Variants in MYO5B observed in about 807,000 individuals in gnomAD.
MYO5B encodes the protein unconventional myosin-Vb.
In MYO5B, 143 loss-of-function variants were observed where a neutral mutation model predicts 229.3. The observed-to-expected ratio is 0.62, with a 90% CI of 0.54 to 0.72. The LOEUF (loss-of-function observed/expected upper bound fraction) is 0.72. MYO5B is among the 30% of genes least tolerant of loss of function. The probability of loss-of-function intolerance (pLI) is 0.00; values close to 1 mark genes in which losing one functional copy is unlikely to be tolerated. For missense variants in MYO5B, 2,321 were observed against 2,331.0 expected (o/e 1.00, Z 0.09); for synonymous variants, 918 against 885.2 (o/e 1.04, Z -0.66).
chr18:50,031,972 G>C (rs1349088237), intron 4 of MYO5B, among the ~76,000 whole-genome samples: 2 of 152,172 alleles, frequency 1.3e-5, no homozygotes, highest in African/African-American at 4.8e-5. Context: ...CGTTTAACTT[G>C]GTTAACCCAC....
chr18:50,055,876 A>T (rs2144418721), intron 1 of MYO5B, among the ~76,000 whole-genome samples: 1 of 152,322 alleles, frequency 6.6e-6, no homozygotes, highest in East Asian at 1.9e-4. Flanking sequence ...TGGAAAGTGT[A>T]TTTAAGTATC....
chr18:49,873,462 G>C (rs1482909597), intron 26 of MYO5B, among the ~76,000 whole-genome samples: 1 of 152,198 alleles, frequency 6.6e-6, no homozygotes, highest in African/African-American at 2.4e-5. Flanking sequence ...GCTGAAGGAT[G>C]CCTACAGTTA....
chr18:50,097,497 A>G (rs2031575009), intron 1 of MYO5B: 2 of 329,094 alleles, frequency 6.1e-6, no homozygotes, highest in African/African-American at 4.3e-5. Context: ...TTCTTGAGAA[A>G]TCGCGGTGTT....
At chr18:49,896,348 C>G (rs1034301465) in intron 21 of MYO5B, among the ~76,000 whole-genome samples, 3 of 152,162 alleles carry the variant, frequency 2.0e-5, no homozygotes, top group Non-Finnish European at 4.4e-5. Context: ...CTGCCTGCAG[C>G]CTTGATCTAA....
At chr18:50,003,446 T>C (rs1052932755) in intron 4 of MYO5B, among the ~76,000 whole-genome samples, 3 of 152,230 alleles carry the variant, frequency 2.0e-5, no homozygotes, top group African/African-American at 7.2e-5. Context: ...CATTGAAAGG[T>C]AGCCTCTAAA....
intron 9 of MYO5B, among the ~76,000 whole-genome samples, 180 bp downstream of exon 9, chr18:49,980,264 T>C (rs2025799467): frequency 6.6e-6 from 1 of 152,246 alleles, no homozygotes. Context: ...AGAAACTTGA[T>C]GGCAGCTGAT....
chr18:50,191,247 G>C (rs942257413), intron 1 of MYO5B, among the ~76,000 whole-genome samples: 1 of 152,106 alleles, frequency 6.6e-6, no homozygotes. Context: ...ATACTGTCTT[G>C]GGTCCCAGAA....
At chr18:50,047,495 C>A (rs1417679203) in intron 2 of MYO5B, among the ~76,000 whole-genome samples, 1 of 152,142 alleles carries the variant, frequency 6.6e-6, no homozygotes, top group Non-Finnish European at 1.5e-5. Context: ...GTTGGTGGTA[C>A]TGTAAACTAG....
chr18:50,073,537 CCT>C (rs2031008531), intron 1 of MYO5B, among the ~76,000 whole-genome samples: 1 of 152,142 alleles, frequency 6.6e-6, no homozygotes, highest in South Asian at 2.1e-4. Context: ...GTTACTTACC[CCT>C]GTCCCTTCTT....
At chr18:50,037,100 G>A in intron 3 of MYO5B, 106 bp from the exon 4 acceptor site, 1 of 1,228,514 alleles carries the variant, frequency 8.1e-7, no homozygotes, top group Middle Eastern at 1.9e-4. Flanking sequence ...CAAAGAATGA[G>A]AGGGCAGCAG....
At chr18:50,090,978 A>T (rs1425448819) in intron 1 of MYO5B, among the ~76,000 whole-genome samples, 1 of 152,200 alleles carries the variant, frequency 6.6e-6, no homozygotes, top group African/African-American at 2.4e-5. Context: ...TGTATTCCTA[A>T]AATATAGTGA....
At position 49,936,341 on chromosome 18, in the gene MYO5B, G is replaced by A. The variant is rs946931379; in HGVS notation, c.1914C>T (p.Thr638=). Residue 638 remains threonine, a synonymous_variant, in exon 16 of 40, where the codon ACC becomes ACT. Coordinates refer to ENST00000285039, the MANE Select transcript of MYO5B (RefSeq NM_001080467.3). ...HKKTVGHQFR[T]SLHLLMETLN... is the part of the protein sequence containing the mutation. The stretch of plus-strand genomic sequence containing the variant: ...GGGTCTCCATGAGCAGATGCAGGGA[G>A]GTACGGAACTAGAGAGACAAAAGCC... 1 of 1,595,174 alleles carries A rather than the reference G, an allele frequency of 6.3e-7. No individual in the cohort carries two copies. Among genetic ancestry groups the A allele is most frequent in the Non-Finnish European group, 8.6e-7 (1 of 1,169,540 alleles).
intron 17 of MYO5B, among the ~76,000 whole-genome samples, chr18:49,922,616 C>T (rs1262404386): frequency 6.6e-6 from 1 of 151,972 alleles, no homozygotes; most frequent in African/African-American, 2.4e-5. Context: ...CTCTCTTTGA[C>T]CCTTTAGCAA....
At chr18:50,122,438 C>CGAAAAAAA (rs1328652260) in intron 1 of MYO5B, among the ~76,000 whole-genome samples, 1 of 5,380 alleles carries the variant, frequency 1.9e-4, no homozygotes, top group Admixed American at 2.6e-3. Context: ...CCTGTCTCAA[C>CGAAAAAAA]TAAAAAAAAA....
chr18:50,119,813 G>A (rs1423113788), intron 1 of MYO5B, among the ~76,000 whole-genome samples: 1 of 152,104 alleles, frequency 6.6e-6, no homozygotes, highest in Non-Finnish European at 1.5e-5. Flanking sequence ...AAGAAAATAA[G>A]CTAGAGAAGG....
chr18:50,058,340 C>T (rs889180324), intron 1 of MYO5B, among the ~76,000 whole-genome samples: 3 of 152,094 alleles, frequency 2.0e-5, no homozygotes, highest in African/African-American at 7.2e-5. Flanking sequence ...TGTGGTGGTA[C>T]ATGCTTGTAG....
At chr18:49,978,025 GCT>G (rs1253030431) in intron 9 of MYO5B, among the ~76,000 whole-genome samples, 2 of 152,160 alleles carry the variant, frequency 1.3e-5, no homozygotes, top group Non-Finnish European at 2.9e-5. Context: ...TCTCTGTACA[GCT>G]CTGATTGCAG....
intron 14 of MYO5B, among the ~76,000 whole-genome samples, chr18:49,943,136 TG>T (rs1331654115): frequency 6.9e-6 from 1 of 145,282 alleles, no homozygotes; most frequent in East Asian, 2.0e-4. Flanking sequence ...AAACACCACA[TG>T]TTTTCACTCA....
intron 12 of MYO5B, among the ~76,000 whole-genome samples, chr18:49,959,815 G>A (rs377520955): frequency 2.0e-5 from 3 of 152,148 alleles, no homozygotes; most frequent in East Asian, 1.9e-4. Flanking sequence ...GGGGCTGGTG[G>A]GCACCTACTC....
Sources: gnomAD v4.1 joint callset for allele counts (sites outside exome capture counted in the v4.1 genomes callset) on GRCh38, gnomAD v4.1.1 for gene constraint, MANE v1.5 for transcripts, NCBI Gene and HGNC (gene_info 2026-07-23, HGNC 2026-07-21) for gene names.